CSMD1: variants seen among roughly 807,000 people sequenced by gnomAD.
CSMD1 encodes CUB and sushi domain-containing protein 1.
In CSMD1, 213 loss-of-function variants were observed where a neutral mutation model predicts 417.5. The ratio of observed to expected loss-of-function variants is 0.51; its 90% confidence interval spans 0.46 to 0.57. The LOEUF (loss-of-function observed/expected upper bound fraction) is 0.57. Among genes scored for constraint, CSMD1 ranks in the 20% least tolerant of loss-of-function variants. The probability of loss-of-function intolerance (pLI) is 0.00; values close to 1 mark genes in which losing one functional copy is unlikely to be tolerated. For synonymous variants in CSMD1, 2,862 were observed against 1,736.8 expected (o/e 1.65, Z -16.11); for missense variants, 6,923 against 4,529.7 (o/e 1.53, Z -15.17).
chr8:3,416,508 CA>C (rs375685062), intron 12 of CSMD1, among the ~76,000 whole-genome samples: 1 of 152,056 alleles, frequency 6.6e-6, no homozygotes, highest in African/African-American at 2.4e-5. Flanking sequence ...ACTTGAATTT[CA>C]AAAAGAGCTA....
chr8:3,628,582 C>T (rs912441031), intron 7 of CSMD1, among the ~76,000 whole-genome samples: 1 of 152,164 alleles, frequency 6.6e-6, no homozygotes, highest in Non-Finnish European at 1.5e-5. Context: ...AGCCACTGGG[C>T]ATCATGGCAA....
At chr8:3,564,549 G>GTGTGTGTATA (rs752767680) in intron 10 of CSMD1, among the ~76,000 whole-genome samples, 1 of 149,480 alleles carries the variant, frequency 6.7e-6, no homozygotes, top group Non-Finnish European at 1.5e-5. Context: ...GTGTGTGTGT[G>GTGTGTGTATA]TATAATACAT....
At chr8:4,776,163 G>A (rs910328372) in intron 1 of CSMD1, among the ~76,000 whole-genome samples, 8 of 151,996 alleles carry the variant, frequency 5.3e-5, no homozygotes, top group Non-Finnish European at 8.8e-5. Flanking sequence ...GAGATGAGGC[G>A]ACCCACATTA....
intron 3 of CSMD1, among the ~76,000 whole-genome samples, chr8:4,246,006 G>C (rs1203823357): frequency 6.6e-6 from 1 of 152,128 alleles, no homozygotes; most frequent in African/African-American, 2.4e-5. Context: ...TGCAACCTAG[G>C]TCAGTTATTT....
chr8:3,873,937 C>T (rs1005319923), intron 5 of CSMD1, among the ~76,000 whole-genome samples: 1 of 152,138 alleles, frequency 6.6e-6, no homozygotes, highest in Non-Finnish European at 1.5e-5. Context: ...ACTTTGGATT[C>T]TGAAAAGAGA....
intron 5 of CSMD1, among the ~76,000 whole-genome samples, chr8:3,901,190 T>C (rs1323644634): frequency 1.3e-5 from 2 of 152,342 alleles, no homozygotes; most frequent in Non-Finnish European, 2.9e-5. Context: ...AGAGAATTTA[T>C]TGATCATTCT....
chr8:3,621,246 G>C (rs1180141313), intron 7 of CSMD1, among the ~76,000 whole-genome samples: 1 of 152,158 alleles, frequency 6.6e-6, no homozygotes, highest in Non-Finnish European at 1.5e-5. Context: ...CCTCGAAAAT[G>C]AATCACCCCA....
intron 2 of CSMD1, among the ~76,000 whole-genome samples, chr8:4,449,576 G>A (rs368966352): frequency 6.6e-6 from 1 of 152,106 alleles, no homozygotes; most frequent in Admixed American, 6.5e-5. Flanking sequence ...TAATTATTTA[G>A]CCATTCCCAT....
intron 2 of CSMD1, among the ~76,000 whole-genome samples, chr8:4,535,003 T>C (rs1797031838): frequency 6.6e-6 from 1 of 152,060 alleles, no homozygotes; most frequent in Non-Finnish European, 1.5e-5. Flanking sequence ...CCTCGTGATC[T>C]GCCTGCCTCA....
At chr8:4,345,979 T>G (rs1218132977) in intron 3 of CSMD1, among the ~76,000 whole-genome samples, 2 of 152,168 alleles carry the variant, frequency 1.3e-5, no homozygotes, top group African/African-American at 2.4e-5. Context: ...TAGATATCAT[T>G]TGGAATTTCA....
At chr8:4,125,122 AG>A (rs1474140972) in intron 3 of CSMD1, among the ~76,000 whole-genome samples, 1 of 5,108 alleles carries the variant, frequency 2.0e-4, no homozygotes, top group East Asian at 0.5. Context: ...ACTTCCATCG[AG>A]AAAAAAACCT....
intron 38 of CSMD1, 27 bp downstream of exon 38, chr8:3,162,132 A>T: frequency 7.1e-7 from 1 of 1,405,166 alleles, no homozygotes; most frequent in Non-Finnish European, 1.0e-6. Context: ...TGTGTATGTT[A>T]TTCCTGAGCA....
At chr8:2,943,256 C>G (rs999464296) in intron 68 of CSMD1, among the ~76,000 whole-genome samples, 1 of 149,602 alleles carries the variant, frequency 6.7e-6, no homozygotes, top group Non-Finnish European at 1.5e-5. Context: ...GAGACAGAGT[C>G]TCACCCTGTT....
chr8:4,441,011 A>T (rs189180012), intron 2 of CSMD1, among the ~76,000 whole-genome samples: 118 of 151,014 alleles, frequency 7.8e-4, no homozygotes, highest in Middle Eastern at 6.8e-3. Context: ...AAAAAAAATT[A>T]AAAATATTAA....
In CSMD1 at chr8:4,839,847, G is replaced by A. The variant is rs146831941; in HGVS notation, c.85+154485C>T. ...ATCTTAGTAAAGTTGATGTTTGCAT[G>A]CTAGAATGTATATCTTTCAATTCTT... On this transcript the variant is annotated intron_variant, in intron 1 of 69. Coordinates refer to ENST00000635120, the MANE Select transcript of CSMD1 (RefSeq NM_033225.6). Among the ~76,000 whole-genome samples, 5 of 152,278 alleles carry A rather than the reference G, an allele frequency of 3.3e-5. No individual in the cohort carries two copies. The East Asian group carries it at 5.8e-4, about 18-fold the overall frequency.
chr8:3,907,674 G>A (rs189757422), intron 5 of CSMD1, among the ~76,000 whole-genome samples: 16 of 152,296 alleles, frequency 1.1e-4, no homozygotes, highest in Admixed American at 2.0e-4. Flanking sequence ...GATTCAGGCA[G>A]AGATCCTGAG....
intron 2 of CSMD1, among the ~76,000 whole-genome samples, chr8:4,574,143 G>T (rs908953236): frequency 6.7e-6 from 1 of 149,548 alleles, no homozygotes; most frequent in South Asian, 2.2e-4. Context: ...GTTCTGTCTC[G>T]TTGGGGTTCC....
intron 3 of CSMD1, among the ~76,000 whole-genome samples, chr8:4,135,021 T>C (rs1303178515): frequency 1.3e-5 from 2 of 152,270 alleles, no homozygotes; most frequent in Non-Finnish European, 2.9e-5. Flanking sequence ...TTATTGATTA[T>C]TTTGTGAGAG....
At chr8:3,234,904 CTGT>C (rs376355779) in intron 26 of CSMD1, among the ~76,000 whole-genome samples, 4 of 152,180 alleles carry the variant, frequency 2.6e-5, no homozygotes, top group African/African-American at 9.7e-5. Flanking sequence ...CTATGATCAA[CTGT>C]TGTTGAGATT....
Sources: allele counts gnomAD v4.1 joint callset (sites outside exome capture counted in the v4.1 genomes callset), GRCh38; gene constraint gnomAD v4.1.1; transcripts MANE v1.5; gene names NCBI Gene and HGNC (gene_info 2026-07-23, HGNC 2026-07-21).